Variants in RAPGEF2 observed in about 807,000 individuals in gnomAD.
RAPGEF2 encodes Rap guanine nucleotide exchange factor 2, also known as PDZ domain containing guanine nucleotide exchange factor (GEF) 1.
In RAPGEF2, 54 loss-of-function variants were observed where a neutral mutation model predicts 186.7. The observed-to-expected ratio is 0.29, with a 90% CI of 0.23 to 0.36. The LOEUF is 0.36. Among genes scored for constraint, RAPGEF2 ranks in the 10% least tolerant of loss-of-function variants. The pLI is 1.00. For missense variants in RAPGEF2, 1,532 were observed against 2,045.0 expected (o/e 0.75, Z 4.84); for synonymous variants, 712 against 705.9 (o/e 1.01, Z -0.14).
intron 23 of RAPGEF2, among the ~76,000 whole-genome samples, chr4:159,344,366 G>A (rs1729992057): frequency 6.6e-6 from 1 of 152,112 alleles, no homozygotes; most frequent in African/African-American, 2.4e-5. Context: ...AATGCAGAAA[G>A]CTCAAAGTAG....
At chr4:159,342,858 T>C (rs1729753424) in intron 20 of RAPGEF2, 121 bp from the exon 21 acceptor site, 5 of 900,024 alleles carry the variant, frequency 5.6e-6, no homozygotes, top group Non-Finnish European at 8.3e-6. Context: ...CAGTTTCTTA[T>C]GCAGCCTTCT....
At chr4:159,323,395 C>G (rs1765496529) in intron 10 of RAPGEF2, 64 bp from the exon 11 acceptor site, 2 of 1,345,092 alleles carry the variant, frequency 1.5e-6, no homozygotes, top group African/African-American at 3.0e-5. Context: ...AGGGACCATA[C>G]TGGCACTTAC....
Position 159,283,781 on chromosome 4 carries a change from T to C in RAPGEF2, c.544-20561T>C, listed in dbSNP as rs187730312. Among the ~76,000 whole-genome samples, 150 of 152,282 alleles carry C rather than the reference T, an allele frequency of 9.9e-4. 2 individuals are homozygous for C. Among genetic ancestry groups the C allele is most frequent in the Admixed American group, 9.7e-3 (149 of 15,288 alleles). On this transcript the variant is annotated intron_variant, in intron 7 of 29. Transcript: ENST00000691494. ...AGGACATTTTTTTAAAAAAACCCTT[T>C]CTTGTTCTTAAAAATTAGTGGTGTT... is the stretch of plus-strand genomic sequence containing the variant.
At chr4:159,153,382 A>G (rs1258199518) in intron 1 of RAPGEF2, among the ~76,000 whole-genome samples, 2 of 152,228 alleles carry the variant, frequency 1.3e-5, no homozygotes, top group Admixed American at 6.5e-5. Context: ...AAGCTTCCAC[A>G]GGAGATTGTA....
At chr4:159,273,024 A>T (rs1043533932) in intron 7 of RAPGEF2, among the ~76,000 whole-genome samples, 1 of 152,134 alleles carries the variant, frequency 6.6e-6, no homozygotes, top group Non-Finnish European at 1.5e-5. Context: ...ATTTTGATTG[A>T]TGGATTTTCC....
Position 159,355,861 on chromosome 4 carries a change from G to T in RAPGEF2, c.4660G>T (p.Glu1554Ter). The T allele has an allele frequency of 6.5e-7, 1 of 1,546,188 alleles. No individual in the cohort carries two copies. The highest frequency in any genetic ancestry group is 8.7e-7 in the Non-Finnish European group (1 of 1,143,676). ...CATTGTTTCTACTCTAGCACGAAAG[G>T]AGGGCAGGTATCGAGAGCCCCCGCC... ...STTKGLIARKEGRYREPPPTP... is the reference protein window; with the variant it reads ...STTKGLIARK The change falls in exon 29 of 30, where the codon GAG becomes TAG. Residue 1554 changes from glutamate (E) to a stop codon, truncating the protein, a stop_gained. Transcript: ENST00000691494. LOFTEE classifies it high-confidence loss of function.
At chr4:159,207,222 A>C (rs1423749724) in intron 3 of RAPGEF2, among the ~76,000 whole-genome samples, 8 of 152,230 alleles carry the variant, frequency 5.3e-5, no homozygotes, top group African/African-American at 9.6e-5. Flanking sequence ...ACTTACCTTC[A>C]CATCCTCAAA....
intron 1 of RAPGEF2, among the ~76,000 whole-genome samples, chr4:159,130,467 G>A (rs1303843773): frequency 6.6e-6 from 1 of 152,162 alleles, no homozygotes; most frequent in Non-Finnish European, 1.5e-5. Context: ...GAGCTCAAGT[G>A]ATCCTCCCAC....
chr4:159,216,860 A>T (rs1751036403), intron 4 of RAPGEF2, among the ~76,000 whole-genome samples: 1 of 152,202 alleles, frequency 6.6e-6, no homozygotes, highest in African/African-American at 2.4e-5. Flanking sequence ...CTTAATAATC[A>T]CATTTTAAAT....
chr4:159,109,941 T>C (rs982334275), intron 1 of RAPGEF2, among the ~76,000 whole-genome samples: 3 of 152,098 alleles, frequency 2.0e-5, no homozygotes, highest in African/African-American at 7.2e-5. Flanking sequence ...AGACCAAGAG[T>C]TCTGTTAAAG....
At chr4:159,191,743 AATAATAATG>A (rs373801095) in intron 2 of RAPGEF2, among the ~76,000 whole-genome samples, 6 of 152,248 alleles carry the variant, frequency 3.9e-5, no homozygotes, top group African/African-American at 1.4e-4. Flanking sequence ...ATCTCAAAAT[AATAATAATG>A]ATAATAATAA....
At chr4:159,178,553 T>TTC (rs1442903387) in intron 1 of RAPGEF2, among the ~76,000 whole-genome samples, 1 of 127,206 alleles carries the variant, frequency 7.9e-6, no homozygotes, top group Admixed American at 7.6e-5. Flanking sequence ...GTATTATGCT[T>TTC]TTTTTTTTTT....
Position 159,314,807 on chromosome 4 carries a change from A to G in RAPGEF2, c.853+39A>G, listed in dbSNP as rs776314868. ...GGAAAATGAATCTACGAGCAATTAA[A>G]AAGATTTAGTGGCAAAATTGTCTGA... On this transcript the variant is annotated intron_variant, in intron 9 of 29. Transcript: ENST00000691494. 4 of 1,544,044 alleles carry G rather than the reference A, an allele frequency of 2.6e-6. No individual in the cohort carries two copies. In the South Asian group the frequency reaches 3.7e-5, roughly 14 times the overall value.
chr4:159,166,335 G>A (rs112795845), intron 1 of RAPGEF2, among the ~76,000 whole-genome samples: 9,758 of 152,140 alleles, frequency 0.064, 444 homozygotes, highest in South Asian at 0.11. Flanking sequence ...GTAAGGAAAA[G>A]GGCAGAGGCA....
At chr4:159,335,196 CG>C (rs1460065161) in intron 17 of RAPGEF2, among the ~76,000 whole-genome samples, 1 of 152,012 alleles carries the variant, frequency 6.6e-6, no homozygotes, top group African/African-American at 2.4e-5. Flanking sequence ...TAGGCACAAT[CG>C]GGTGATGTGC....
chr4:159,157,966 C>T (rs1024071010), intron 1 of RAPGEF2, among the ~76,000 whole-genome samples: 2 of 152,002 alleles, frequency 1.3e-5, no homozygotes, highest in African/African-American at 4.8e-5. Context: ...AGGCAGCAGC[C>T]AGGTGTAGTA....
In RAPGEF2 at chr4:159,142,978, T is replaced by C. The variant is rs144437514; in HGVS notation, c.69+38747T>C. Among the ~76,000 whole-genome samples, 410 of 152,310 alleles carry C rather than the reference T, an allele frequency of 2.7e-3. 1 individual carries two copies. The highest frequency in any genetic ancestry group is 9.2e-3 in the African/African-American group (383 of 41,562). ...ATTGTGTTAGAATGGCTCCAAGTAT[T>C]CAAGAAAAACAAATATAATTTGTGA... On this transcript the variant is annotated intron_variant, in intron 1 of 29. Transcript: ENST00000691494.
chr4:159,318,472 A>G (rs1032047408), intron 9 of RAPGEF2, among the ~76,000 whole-genome samples: 9 of 152,342 alleles, frequency 5.9e-5, no homozygotes, highest in Admixed American at 5.9e-4. Flanking sequence ...GAGTGTGTGC[A>G]TGAGTGTTTA....
At chr4:159,208,391 G>T (rs1750181489) in intron 3 of RAPGEF2, among the ~76,000 whole-genome samples, 1 of 152,198 alleles carries the variant, frequency 6.6e-6, no homozygotes, top group Non-Finnish European at 1.5e-5. Flanking sequence ...ATAGTATGCA[G>T]CGTCTATGAT....
Sources: allele counts gnomAD v4.1 joint callset (sites outside exome capture counted in the v4.1 genomes callset), GRCh38; gene constraint gnomAD v4.1.1; transcripts MANE v1.5; gene names NCBI Gene and HGNC (gene_info 2026-07-23, HGNC 2026-07-21).